The following TRIM52 variants were observed in gnomAD, a reference collection of about 807,000 sequenced individuals.
The protein encoded by TRIM52 is E3 ubiquitin-protein ligase TRIM52.
TRIM52 carries 24 observed loss-of-function variants against 27.0 expected under a neutral mutation model. That is an observed-to-expected ratio of 0.89 (90% CI 0.64 to 1.25). The LOEUF is 1.25. TRIM52 is among the 50% of genes most tolerant of loss of function. The pLI is 0.00. For synonymous variants in TRIM52, 125 were observed against 126.5 expected, an observed-to-expected ratio of 0.99 and a Z score of 0.08; for missense variants, 351 against 354.7, an observed-to-expected ratio of 0.99 and a Z score of 0.08.
intron 1 of TRIM52, chr5:181,259,699 T>C: frequency 2.1e-6 from 1 of 473,108 alleles, no homozygotes; most frequent in East Asian, 4.2e-5. Context: ...TGGGTATCTG[T>C]TACTCACGTC....
intron 1 of TRIM52, 169 bp downstream of exon 1, chr5:181,259,832 C>G: frequency 6.9e-7 from 1 of 1,456,334 alleles, no homozygotes; most frequent in Non-Finnish European, 9.1e-7. Context: ...TTTGTGTCTC[C>G]TTTTTTACCC....
Position 181,260,349 on chromosome 5 carries a change from T to A in TRIM52, c.465A>T (p.Glu155Asp), listed in dbSNP as rs376133890. The change falls in exon 1 of 2, where the codon GAA becomes GAT. Residue 155 changes from glutamate to aspartate, a missense_variant. By Grantham distance (45) the Glu-to-Asp change is conservative. Transcript: ENST00000688015. This position sits in a 1 kb window ranked among gnomAD's most constrained non-coding sequence, Gnocchi z 4.4. ...IDVYREEEILEAYDEDEDEEL... is the reference protein window; with the variant it reads ...IDVYREEEILDAYDEDEDEEL... ...CTTCATCTTCGTCCTCATCGTATGC[T>A]TCCAGTATTTCTTCTTCTCGGTAGA... 6 of 1,614,088 alleles carry A rather than the reference T, an allele frequency of 3.7e-6. No homozygotes were observed. The African/African-American group carries it at 8.0e-5, about 22-fold the overall frequency.
At chr5:181,251,276 A>C (rs1175694810), downstream of TRIM52, among the ~76,000 whole-genome samples, 2 of 140,346 alleles carry the variant, frequency 1.4e-5, no homozygotes, top group Non-Finnish European at 3.0e-5. Flanking sequence ...AGCCTGGGCG[A>C]CAAGGGCAAA....
chr5:181,256,851 C>A lies in TRIM52; in HGVS notation c.822G>T (p.Gly274=). ...EEVVQEYQKI[G]STSSVELSES... Reference sequence around the variant, plus strand: ...CAGATAACTCAACTGAAGAAGTTGACCCTATCTTCTGCAAAATAACATGAG... The same window carrying A: ...CAGATAACTCAACTGAAGAAGTTGAACCTATCTTCTGCAAAATAACATGAG... The change falls in exon 2 of 2, where the codon GGG becomes GGT. Residue 274 remains glycine, a synonymous_variant. Transcript: ENST00000688015. 3.0e-6 allele frequency: 3 copies of A among 985,438 alleles called. No individual in the cohort carries two copies. Among genetic ancestry groups the A allele is most frequent in the Non-Finnish European group, 3.6e-6 (3 of 829,972 alleles). The allele number at this position is 985,438 out of a possible 1,614,324, so 61.0% of individuals were successfully genotyped here.
Position 181,260,774 on chromosome 5 carries a change from G to A in TRIM52, c.40C>T (p.Leu14Phe). ...YATTPSPMQTLQEEAVCAICL... is the reference protein window; with the variant it reads ...YATTPSPMQTFQEEAVCAICL... ...ATGGCACACACCGCTTCCTCCTGAA[G>A]GGTCTGCATGGGGCTGGGAGTAGTG... The change falls in exon 1 of 2, where the codon CTT (leucine) becomes TTT (phenylalanine). Residue 14 changes from leucine (L) to phenylalanine (F), a missense_variant. By Grantham distance (22) the Leu-to-Phe change is conservative (BLOSUM62 0). Coordinates refer to ENST00000688015, the MANE Select transcript of TRIM52 (RefSeq NM_001346048.2). The surrounding 1 kb of genome is among the most constrained non-coding windows in gnomAD (Gnocchi z 4.4). The A allele has an allele frequency of 6.2e-7, 1 of 1,609,784 alleles. No homozygotes were observed. The highest frequency in any genetic ancestry group is 8.5e-7 in the Non-Finnish European group (1 of 1,176,988).
At chr5:181,254,724 G>C (rs1229974506), downstream of TRIM52, 2 of 152,226 alleles carry the variant, frequency 1.3e-5, no homozygotes, top group Non-Finnish European at 2.9e-5. Context: ...GGCTCAGTAG[G>C]ATAGTAAGGC....
rs1216254065 is a variant in TRIM52 at position 181,256,244 on chromosome 5, TG to T, written c.*564del. On this transcript the variant is annotated 3_prime_UTR_variant, in exon 2 of 2. Coordinates refer to ENST00000688015, the MANE Select transcript of TRIM52 (RefSeq NM_001346048.2). ...ACAGCTGCAAAAATACTGTCTTTGG[TG>T]GTCAAGTAGAAGGCTCACGAAAACA... 9.9e-5 allele frequency: 15 copies of T among 152,228 alleles called. No individual in the cohort carries two copies. The highest frequency in any genetic ancestry group is 3.4e-4 in the African/African-American group (14 of 41,470). The allele number at this position is 152,228 out of a possible 1,614,324, so 9.4% of individuals were successfully genotyped here. A position where few individuals can be genotyped will look rare whatever the true frequency, so the allele number is the denominator to read the frequency against.
downstream of TRIM52, among the ~76,000 whole-genome samples, chr5:181,254,212 T>G (rs1275987261): frequency 7.5e-6 from 1 of 134,120 alleles, no homozygotes; most frequent in African/African-American, 3.3e-5. Flanking sequence ...ATGGCATGAA[T>G]CCAGGAGGCG....
chr5:181,257,232 G>C (rs1387626220), intron 1 of TRIM52: 1 of 1,282,206 alleles, frequency 7.8e-7, no homozygotes, highest in Non-Finnish European at 9.9e-7. Context: ...GGACAAACTG[G>C]AAGATGTAAA....
chr5:181,261,035 G>A lies in TRIM52; in HGVS notation c.-222C>T, dbSNP rs1306143875. On this transcript the variant is annotated 5_prime_UTR_variant, in exon 1 of 2. Coordinates refer to ENST00000688015, the MANE Select transcript of TRIM52 (RefSeq NM_001346048.2). ...GGGATCGGTGGGGACAGAGCAGGCT[G>A]CAGCCCCCAGCTGCTCGGTCCTGTC... 5 of 584,894 alleles carry A rather than the reference G, an allele frequency of 8.5e-6. No homozygotes were observed. The East Asian group carries it at 1.2e-4, about 14-fold the overall frequency. The allele number at this position is 584,894 out of a possible 1,614,324, so 36.2% of individuals were successfully genotyped here. A position where few individuals can be genotyped will look rare whatever the true frequency, so the allele number is the denominator to read the frequency against.
At chr5:181,251,882 G>A (rs116484636), downstream of TRIM52, among the ~76,000 whole-genome samples, 732 of 152,240 alleles carry the variant, frequency 4.8e-3, 5 homozygotes, top group African/African-American at 0.017. Context: ...CTGTAACACG[G>A]AAAGAACCCA....
chr5:181,258,669 G>A (rs1759894584), intron 1 of TRIM52: 1 of 152,142 alleles, frequency 6.6e-6, no homozygotes, highest in Admixed American at 6.6e-5. Flanking sequence ...AAGCCTGTAG[G>A]ACAGTGCTCT....
At chr5:181,257,467 C>A in intron 1 of TRIM52, 1 of 1,612,064 alleles carries the variant, frequency 6.2e-7, no homozygotes, top group Non-Finnish European at 8.5e-7. Flanking sequence ...TGAAGTATTC[C>A]CACCAGAGTT....
downstream of TRIM52, among the ~76,000 whole-genome samples, chr5:181,249,676 A>C (rs1341779967): frequency 6.6e-6 from 1 of 151,480 alleles, no homozygotes; most frequent in Non-Finnish European, 1.5e-5. Flanking sequence ...ATCCTGTCTC[A>C]AAAAGAAAAA....
At position 181,260,977 on chromosome 5, in the gene TRIM52, G is replaced by A; in HGVS notation, c.-164C>T. ...GCTTTGACCCCCTCTCTCAGGGTGCGAACGCCCAGATCCAGACTCACAGCC... is the reference window on the plus strand; with the variant it reads ...GCTTTGACCCCCTCTCTCAGGGTGCAAACGCCCAGATCCAGACTCACAGCC... On this transcript the variant is annotated 5_prime_UTR_variant, in exon 1 of 2. Transcript: ENST00000688015. This position sits in a 1 kb window ranked among gnomAD's most constrained non-coding sequence, Gnocchi z 4.4. The A allele has an allele frequency of 2.0e-6, 2 of 1,021,500 alleles. No individual in the cohort carries two copies. The highest frequency in any genetic ancestry group is 1.8e-5 in the South Asian group (1 of 56,212). The allele number at this position is 1,021,500 out of a possible 1,614,324, so 63.3% of individuals were successfully genotyped here. A position where few individuals can be genotyped will look rare whatever the true frequency, so the allele number is the denominator to read the frequency against.
Position 181,260,051 on chromosome 5 carries a change from G to C in TRIM52, c.763C>G (p.His255Asp). ...ICVVCRESRS[H>D]KQHSVLPLEE... ...AAAGGCAGCACGCTGTGCTGTTTGT[G>C]GCTCCTGGATTCTCGGCACACCACA... Residue 255 changes from histidine to aspartate, a missense_variant, in exon 1 of 2, where the codon CAC (histidine) becomes GAC (aspartate). By Grantham distance (81) the His-to-Asp change is moderately conservative. Transcript: ENST00000688015. The surrounding 1 kb of genome is among the most constrained non-coding windows in gnomAD (Gnocchi z 4.4). 4.3e-6 allele frequency: 7 copies of C among 1,614,172 alleles called. No homozygotes were observed. The highest frequency in any genetic ancestry group is 5.9e-6 in the Non-Finnish European group (7 of 1,180,040).
downstream of TRIM52, among the ~76,000 whole-genome samples, chr5:181,251,015 C>T (rs963251008): frequency 2.0e-5 from 3 of 152,080 alleles, no homozygotes; most frequent in East Asian, 1.9e-4. Flanking sequence ...GATGGCTGGG[C>T]GTGGTGGCTC....
intron 1 of TRIM52, chr5:181,258,486 G>C (rs1022947900): frequency 2.0e-5 from 3 of 152,146 alleles, no homozygotes; most frequent in African/African-American, 7.2e-5. Context: ...TTTTCCATGG[G>C]ATACTTTAGT....
downstream of TRIM52, among the ~76,000 whole-genome samples, chr5:181,252,701 A>G (rs915436877): frequency 6.6e-6 from 1 of 152,224 alleles, no homozygotes; most frequent in Non-Finnish European, 1.5e-5. Flanking sequence ...GGTCAATGGC[A>G]AGAGCCTTAG....
Sources: gnomAD v4.1 joint callset for allele counts (sites outside exome capture counted in the v4.1 genomes callset) on GRCh38, gnomAD v4.1.1 for gene constraint, Gnocchi (gnomAD v3.1) non-coding constraint, MANE v1.5 for transcripts, NCBI Gene and HGNC (gene_info 2026-07-23, HGNC 2026-07-21) for gene names.